COBLL1: variants seen among roughly 807,000 people sequenced by gnomAD.
The protein encoded by COBLL1 is cordon-bleu protein-like 1.
A neutral mutation model predicts 94.8 loss-of-function variants in COBLL1; 50 were observed. The observed-to-expected ratio is 0.53, with a 90% CI of 0.42 to 0.67. The LOEUF is 0.67. Ranked by LOEUF, COBLL1 falls within the 30% of genes least tolerant of loss-of-function variation. The pLI is 0.00. For synonymous variants in COBLL1, 448 were observed against 473.8 expected, an observed-to-expected ratio of 0.95 and a Z score of 0.71; for missense variants, 1,362 against 1,348.7, an observed-to-expected ratio of 1.01 and a Z score of -0.15.
intron 2 of COBLL1, among the ~76,000 whole-genome samples, chr2:164,771,238 A>G (rs1253898971): frequency 6.6e-6 from 1 of 152,056 alleles, no homozygotes; most frequent in Non-Finnish European, 1.5e-5. Flanking sequence ...TTGACCAACA[A>G]CCTAAGTTTT....
At chr2:164,688,064 AAT>A (rs1047020473) in intron 13 of COBLL1, among the ~76,000 whole-genome samples, 8 of 48,508 alleles carry the variant, frequency 1.6e-4, no homozygotes, top group Non-Finnish European at 4.2e-5. Flanking sequence ...ATAGTATATG[AAT>A]ATATATATAA....
rs765790478 is a variant in COBLL1 at position 164,699,431 on chromosome 2, T to C, written c.1529A>G (p.Lys510Arg). Residue 510 changes from lysine to arginine, a missense_variant, in exon 11 of 14, where the codon AAG becomes AGG. Transcript: ENST00000652658. Reference protein sequence around the residue: ...KKVVDSIRNLKSLGPNQENVV... With the variant: ...KKVVDSIRNLRSLGPNQENVV... ...ATTCTCTTGGTTTGGGCCCAACGAC[T>C]TCAAGTTTCTTATACTGTCAACTAC... The C allele has an allele frequency of 6.2e-7, 1 of 1,612,064 alleles. No individual in the cohort carries two copies. Among genetic ancestry groups the C allele is most frequent in the South Asian group, 1.1e-5 (1 of 91,040 alleles).
At chr2:164,696,340 TAAAAGG>T (rs2105434509) in intron 11 of COBLL1, 1 of 152,276 alleles carries the variant, frequency 6.6e-6, no homozygotes, top group African/African-American at 2.4e-5. Flanking sequence ...TACCTAACAT[TAAAAGG>T]AAAAGAATCC....
intron 2 of COBLL1, among the ~76,000 whole-genome samples, chr2:164,805,941 A>G (rs1684133903): frequency 6.6e-6 from 1 of 152,072 alleles, no homozygotes; most frequent in African/African-American, 2.4e-5. Flanking sequence ...CATTCTCATC[A>G]GCAATGAATG....
chr2:164,752,753 T>A (rs978116901), intron 2 of COBLL1, among the ~76,000 whole-genome samples: 3 of 152,046 alleles, frequency 2.0e-5, no homozygotes, highest in Admixed American at 2.0e-4. Flanking sequence ...GACAGCTACT[T>A]CCCCAGGTGA....
chr2:164,748,032 T>C (rs1225713546), intron 2 of COBLL1, among the ~76,000 whole-genome samples: 1 of 151,954 alleles, frequency 6.6e-6, no homozygotes, highest in Admixed American at 6.6e-5. Flanking sequence ...CAGCTGTGTG[T>C]GGTGGGGAGC....
rs1486656438 is a variant in COBLL1 at position 164,681,501 on chromosome 2, TC to T, written c.*4444del. On this transcript the variant is annotated 3_prime_UTR_variant, in exon 14 of 14. Transcript: ENST00000652658. The stretch of plus-strand genomic sequence containing the variant: ...TATGGGTGGGAGAGGGGGCTCTGCC[TC>T]TTTAATGAGAGGAGCTGCAAAGTCA... The T allele has an allele frequency of 6.6e-6, 1 of 152,250 alleles. No individual in the cohort carries two copies. The highest frequency in any genetic ancestry group is 2.4e-5 in the African/African-American group (1 of 41,442). 9.4% of individuals were successfully genotyped at this position (152,250 alleles called of 1,614,324 possible).
At chr2:164,726,521 A>T (rs1301277081) in intron 5 of COBLL1, among the ~76,000 whole-genome samples, 1 of 152,158 alleles carries the variant, frequency 6.6e-6, no homozygotes, top group Non-Finnish European at 1.5e-5. Flanking sequence ...ATAATAAAAA[A>T]ATCACATACC....
At position 164,694,440 on chromosome 2, in the gene COBLL1, A is replaced by G; in HGVS notation, c.2952T>C (p.Gly984=). The part of the protein sequence containing the change: ...FGAPRPYSSS[G]PSPFALAVVK... ...CTACAGCAAGAGCAAACGGTGAAGG[A>G]CCAGAACTTGAGTATGGTCGTGGGG... The change falls in exon 12 of 14, where the codon GGT becomes GGC. Residue 984 remains glycine (G), a synonymous_variant. Coordinates refer to ENST00000652658, the MANE Select transcript of COBLL1 (RefSeq NM_001365672.2). The G allele has an allele frequency of 6.2e-7, 1 of 1,613,978 alleles. No homozygotes were observed. The highest frequency in any genetic ancestry group is 8.5e-7 in the Non-Finnish European group (1 of 1,179,928).
At position 164,809,247 on chromosome 2, in the gene COBLL1, G is replaced by A. The variant is rs137921058; in HGVS notation, c.41+31909C>T. 9.2e-3 allele frequency among the ~76,000 whole-genome samples: 1,394 copies of A among 152,020 alleles called. 4 individuals carry two copies. The highest frequency in any genetic ancestry group is 0.021 in the African/African-American group (853 of 41,528). ...TGCAGTTTATATATTTTAATATTCT[G>A]GTAGGTATGCTTGATAGCATCCATA... On this transcript the variant is annotated intron_variant, in intron 2 of 13. Coordinates refer to ENST00000652658, the MANE Select transcript of COBLL1 (RefSeq NM_001365672.2).
At chr2:164,806,786 A>C (rs1237505523) in intron 2 of COBLL1, among the ~76,000 whole-genome samples, 1 of 152,076 alleles carries the variant, frequency 6.6e-6, no homozygotes, top group Non-Finnish European at 1.5e-5. Flanking sequence ...TGTGGCCTCT[A>C]CCTCTCGAGT....
chr2:164,773,815 G>A, intron 2 of COBLL1: 1 of 1,191,706 alleles, frequency 8.4e-7, no homozygotes, highest in Non-Finnish European at 1.1e-6. Flanking sequence ...TGTTTATCAT[G>A]TATGTGTAAG....
intron 3 of COBLL1, among the ~76,000 whole-genome samples, chr2:164,737,665 TATAA>T (rs1234795725): frequency 1.3e-4 from 20 of 152,196 alleles, no homozygotes; most frequent in African/African-American, 4.8e-4. Context: ...TCTCAATAAA[TATAA>T]ATATGACGTG....
chr2:164,741,144 T>C (rs142151111), intron 3 of COBLL1, among the ~76,000 whole-genome samples: 2,264 of 151,962 alleles, frequency 0.015, 50 homozygotes, highest in African/African-American at 0.051. Context: ...GGCATGGTGG[T>C]GTTCATCTGT....
At chr2:164,771,722 T>C (rs936216326) in intron 2 of COBLL1, among the ~76,000 whole-genome samples, 1 of 152,022 alleles carries the variant, frequency 6.6e-6, no homozygotes, top group Non-Finnish European at 1.5e-5. Flanking sequence ...AACTACTGCA[T>C]GTGTCTTTGT....
In COBLL1 at chr2:164,660,389, G is replaced by C. The variant is rs114836518; in HGVS notation, n.181+5458C>G. On this transcript the variant is annotated intron_variant and non_coding_transcript_variant, in intron 2 of 2. Coordinates refer to the COBLL1 transcript ENST00000495084. ...AAAGTAGAGTTATTGCTATACTTGG[G>C]GATTGGGAGAAAGTGTCAACGAAAT... is the stretch of plus-strand genomic sequence containing the variant. Among the ~76,000 whole-genome samples the C allele has an allele frequency of 7.3e-3, 1,108 of 152,182 alleles. 7 individuals are homozygous for C. Among genetic ancestry groups the C allele is most frequent in the Non-Finnish European group, 0.011 (737 of 67,990 alleles).
At chr2:164,736,593 T>C (rs763094678) in intron 3 of COBLL1, among the ~76,000 whole-genome samples, 10 of 152,190 alleles carry the variant, frequency 6.6e-5, no homozygotes, top group Non-Finnish European at 1.0e-4. Flanking sequence ...GAGCTAATTA[T>C]AAATAATTAC....
intron 2 of COBLL1, among the ~76,000 whole-genome samples, chr2:164,779,411 A>G (rs2105270979): frequency 6.6e-6 from 1 of 152,260 alleles, no homozygotes; most frequent in South Asian, 2.1e-4. Flanking sequence ...AGGAAAAGCC[A>G]GGGAAGTTCC....
rs190537970 is a variant in COBLL1, at chr2:164,768,117, C to A, written c.42-24242G>T. 4.6e-5 allele frequency among the ~76,000 whole-genome samples: 7 copies of A among 152,270 alleles called. No homozygotes were observed. The East Asian group carries it at 1.4e-3, about 29-fold the overall frequency. On this transcript the variant is annotated intron_variant, in intron 2 of 13. Transcript: ENST00000652658. ...AACTGTGATCCATACACTGACAAAC[C>A]TTTAAGAAATCATGACCTGAAACTT...
Sources: gnomAD v4.1 joint callset for allele counts (sites outside exome capture counted in the v4.1 genomes callset) on GRCh38, gnomAD v4.1.1 for gene constraint, MANE v1.5 for transcripts, NCBI Gene and HGNC (gene_info 2026-07-23, HGNC 2026-07-21) for gene names.